Variants in LRP1B observed in about 807,000 individuals in gnomAD.
LRP1B encodes LDL receptor related protein 1B.
In LRP1B, 217 loss-of-function variants were observed where a neutral mutation model predicts 556.6. The ratio of observed to expected loss-of-function variants is 0.39; its 90% CI spans 0.35 to 0.44. The LOEUF is 0.44. LRP1B is among the 20% of genes least tolerant of loss of function. The probability of loss-of-function intolerance (pLI) is 1.00; values close to 1 mark genes in which losing one functional copy is unlikely to be tolerated. For synonymous variants in LRP1B, 2,047 were observed against 1,865.8 expected, an observed-to-expected ratio of 1.10 and a Z score of -2.50; for missense variants, 5,053 against 5,620.8, an observed-to-expected ratio of 0.90 and a Z score of 3.23.
At chr2:140,490,844 G>A (rs1162247502) in intron 57 of LRP1B, among the ~76,000 whole-genome samples, 1 of 151,998 alleles carries the variant, frequency 6.6e-6, no homozygotes, top group African/African-American at 2.4e-5. Context: ...AAAGACATAG[G>A]TGTGTTCAGA....
chr2:141,089,935 A>G (rs10201029), intron 7 of LRP1B, among the ~76,000 whole-genome samples: 3,096 of 152,328 alleles, frequency 0.02, 108 homozygotes, highest in African/African-American at 0.07. Context: ...CTCCAAGAAT[A>G]TGATAGTGAA....
intron 1 of LRP1B, among the ~76,000 whole-genome samples, chr2:141,824,134 A>G (rs1278078857): frequency 6.6e-6 from 1 of 152,180 alleles, no homozygotes; most frequent in Non-Finnish European, 1.5e-5. Flanking sequence ...TTAAGTTGGT[A>G]GATTTTGAAA....
intron 2 of LRP1B, among the ~76,000 whole-genome samples, chr2:141,634,713 A>T (rs1015562206): frequency 6.6e-6 from 1 of 151,990 alleles, no homozygotes; most frequent in Non-Finnish European, 1.5e-5. Context: ...TATTTTTTAT[A>T]TATTTGTATG....
At chr2:141,930,803 T>C (rs913711264) in intron 1 of LRP1B, among the ~76,000 whole-genome samples, 12 of 152,044 alleles carry the variant, frequency 7.9e-5, no homozygotes, top group Non-Finnish European at 1.2e-4. Flanking sequence ...GATAAGAAAA[T>C]TGACTTACTG....
At chr2:141,407,290 C>T (rs1212915327) in intron 3 of LRP1B, among the ~76,000 whole-genome samples, 7 of 152,130 alleles carry the variant, frequency 4.6e-5, no homozygotes, top group African/African-American at 7.2e-5. Context: ...TTTAATTCAA[C>T]TCAGTGAAGT....
intron 1 of LRP1B, among the ~76,000 whole-genome samples, chr2:142,038,104 C>CA (rs1400051639): frequency 1.3e-5 from 2 of 151,546 alleles, no homozygotes; most frequent in East Asian, 3.9e-4. Context: ...TTTAAAGCAA[C>CA]ACTTTTGATC....
intron 7 of LRP1B, among the ~76,000 whole-genome samples, chr2:141,074,589 C>CTCTCTCTCTATA (rs10643830): frequency 1.3e-4 from 18 of 136,476 alleles, no homozygotes; most frequent in Admixed American, 3.8e-4. Context: ...CTCTCTCTCT[C>CTCTCTCTCTATA]TATATATATA....
rs1297725552 is a variant in LRP1B, at chr2:141,049,025, T to G, written c.1750A>C (p.Lys584Gln). The G allele has an allele frequency of 6.2e-7, 1 of 1,613,380 alleles. No individual in the cohort carries two copies. Among genetic ancestry groups the G allele is most frequent in the African/African-American group, 1.3e-5 (1 of 74,870 alleles). Residue 584 changes from lysine to glutamine, a missense_variant, in exon 11 of 91, where the codon AAG becomes CAG. Around this residue, in one of 5 missense-constraint regions of LRP1B, gnomAD observed 3,619 missense variants for 3,931.9 expected, o/e 0.92. Transcript: ENST00000389484. Reference sequence around the variant, plus strand: ...GTTTCTCTCTCTGTGCCATCTATCTTCTGCCGGCCAATTAGGAAACTGGTG... The same window carrying G: ...GTTTCTCTCTCTGTGCCATCTATCTGCTGCCGGCCAATTAGGAAACTGGTG... ...DTTSFLIGRQ[K>Q]IDGTERETIL...
intron 7 of LRP1B, among the ~76,000 whole-genome samples, chr2:141,100,474 T>C (rs538672387): frequency 6.6e-5 from 10 of 152,116 alleles, no homozygotes; most frequent in Non-Finnish European, 5.9e-5. Flanking sequence ...CTAGAAAGTG[T>C]TAAGAAGGGG....
chr2:141,381,352 T>A (rs1354949130), intron 3 of LRP1B, among the ~76,000 whole-genome samples: 3 of 146,018 alleles, frequency 2.1e-5, no homozygotes, highest in African/African-American at 5.1e-5. Context: ...AAATCATCCA[T>A]CCAGTCAAAA....
chr2:140,296,989 T>C (rs1430909261), intron 84 of LRP1B, among the ~76,000 whole-genome samples: 1 of 152,088 alleles, frequency 6.6e-6, no homozygotes, highest in African/African-American at 2.4e-5. Flanking sequence ...GAAGGTTTTT[T>C]CCAGAAAGAA....
chr2:141,826,484 G>A (rs1015300778), intron 1 of LRP1B, among the ~76,000 whole-genome samples: 4 of 149,002 alleles, frequency 2.7e-5, no homozygotes, highest in Non-Finnish European at 4.4e-5. Flanking sequence ...CTCAGCCTCC[G>A]GAGTAGCTGG....
intron 2 of LRP1B, among the ~76,000 whole-genome samples, chr2:141,774,308 A>G (rs7563927): frequency 0.3 from 45,985 of 152,008 alleles, 7,297 homozygotes; most frequent in African/African-American, 0.42. Flanking sequence ...GTTGGCATCT[A>G]CTTCTGGTGA....
At position 140,526,252 on chromosome 2, in the gene LRP1B, C is replaced by G. The variant is rs774728440; in HGVS notation, c.7861G>C (p.Asp2621His). 1.2e-6 allele frequency: 2 copies of G among 1,611,422 alleles called. No individual in the cohort carries two copies. The highest frequency in any genetic ancestry group is 1.7e-6 in the Non-Finnish European group (2 of 1,178,224). The change falls in exon 48 of 91, where the codon GAT becomes CAT. Residue 2621 changes from aspartate (D) to histidine (H), a missense_variant. Physicochemically the swap from Asp to His is moderately conservative, Grantham distance 81. Coordinates refer to ENST00000389484, the MANE Select transcript of LRP1B (RefSeq NM_018557.3). ...AATATCTTACTGCAGTTCTTTTCAT[C>G]TGAAGCATCTGCACAATCTATGTTC... is the stretch of plus-strand genomic sequence containing the variant. ...NQNIDCADAS[D>H]EKNCNNTDCT...
chr2:142,004,883 G>A (rs1037486995), intron 1 of LRP1B, among the ~76,000 whole-genome samples: 1 of 151,760 alleles, frequency 6.6e-6, no homozygotes, highest in Non-Finnish European at 1.5e-5. Context: ...AGTTGTCTAT[G>A]TTAAGTTTTC....
chr2:140,512,800 T>A (rs1015356073), intron 51 of LRP1B, among the ~76,000 whole-genome samples: 1 of 152,164 alleles, frequency 6.6e-6, no homozygotes, highest in African/African-American at 2.4e-5. Context: ...GAGAACGATC[T>A]TTTGTACTCC....
intron 7 of LRP1B, among the ~76,000 whole-genome samples, chr2:141,150,109 G>T (rs76177133): frequency 6.6e-6 from 1 of 152,170 alleles, no homozygotes; most frequent in Non-Finnish European, 1.5e-5. Context: ...TGTCACCCAG[G>T]TCCACTGAAC....
chr2:140,955,051 A>G (rs1306885772), intron 18 of LRP1B, among the ~76,000 whole-genome samples: 1 of 151,996 alleles, frequency 6.6e-6, no homozygotes, highest in East Asian at 1.9e-4. Flanking sequence ...CTTCTGGTTT[A>G]TAATCTTATC....
chr2:141,877,515 C>G (rs539258766), intron 1 of LRP1B, among the ~76,000 whole-genome samples: 1 of 152,088 alleles, frequency 6.6e-6, no homozygotes, highest in African/African-American at 2.4e-5. Flanking sequence ...ACAGAAAGTT[C>G]TGAGACTCAA....
Sources: allele counts gnomAD v4.1 joint callset (sites outside exome capture counted in the v4.1 genomes callset), GRCh38; gene constraint gnomAD v4.1.1; regional missense constraint gnomAD v4.1.1; transcripts MANE v1.5; gene names NCBI Gene and HGNC (gene_info 2026-07-23, HGNC 2026-07-21).